The following MALRD1 variants were observed in gnomAD, a reference collection of about 807,000 sequenced individuals.
The protein encoded by MALRD1 is MAM and LDL receptor class A domain containing 1.
A neutral mutation model predicts 242.1 loss-of-function variants in MALRD1; 247 were observed. That is an observed-to-expected ratio of 1.02 (90% CI 0.92 to 1.13). The LOEUF is 1.13. Among genes scored for constraint, MALRD1 ranks in the 50% most tolerant of loss-of-function variants. The pLI is 0.00. For synonymous variants in MALRD1, 995 were observed against 866.6 expected (o/e 1.15, Z -2.60); for missense variants, 2,989 against 2,533.1 (o/e 1.18, Z -3.86).
intron 28 of MALRD1, among the ~76,000 whole-genome samples, chr10:19,444,343 C>A (rs896984511): frequency 1.3e-5 from 2 of 152,120 alleles, no homozygotes; most frequent in African/African-American, 2.4e-5. Context: ...GAATTTGATC[C>A]TGTCATTATG....
chr10:19,158,065 A>G (rs890360212), intron 12 of MALRD1, among the ~76,000 whole-genome samples: 7 of 152,244 alleles, frequency 4.6e-5, no homozygotes, highest in African/African-American at 1.7e-4. Context: ...AAGATAGGAC[A>G]AACAGAACAC....
At chr10:19,620,089 A>T (rs573400079) in intron 36 of MALRD1, among the ~76,000 whole-genome samples, 4 of 152,064 alleles carry the variant, frequency 2.6e-5, no homozygotes, top group African/African-American at 9.6e-5. Flanking sequence ...AAAGACCTTA[A>T]AGTATGAAAT....
At chr10:19,611,756 G>A (rs1360961513) in intron 35 of MALRD1, among the ~76,000 whole-genome samples, 2 of 151,962 alleles carry the variant, frequency 1.3e-5, no homozygotes, top group Non-Finnish European at 2.9e-5. Context: ...GTAAATCAAA[G>A]CTGAAAATAC....
intron 36 of MALRD1, among the ~76,000 whole-genome samples, chr10:19,666,677 A>G (rs1841696559): frequency 1.3e-5 from 2 of 152,154 alleles, no homozygotes; most frequent in African/African-American, 4.8e-5. Flanking sequence ...CCAACTACCT[A>G]TCTTTTCTAT....
chr10:19,696,956 AT>A (rs751828371), intron 38 of MALRD1, among the ~76,000 whole-genome samples: 3 of 152,074 alleles, frequency 2.0e-5, no homozygotes, highest in Non-Finnish European at 4.4e-5. Context: ...TTCTTTAATT[AT>A]TTTTTATGAG....
chr10:19,238,350 AATATATAATACATAAT>A lies in MALRD1; in HGVS notation c.2992-19327_2992-19312del, dbSNP rs1260693856. On this transcript the variant is annotated intron_variant, in intron 18 of 39. Coordinates refer to ENST00000454679, the MANE Select transcript of MALRD1 (RefSeq NM_001142308.3). ...ATATTATACATAATATATTATACAT[AATATATAATACATAAT>A]ATATATTATACATAATATATTATAT... 3.0e-3 allele frequency among the ~76,000 whole-genome samples: 241 copies of A among 80,592 alleles called. 8 individuals are homozygous for A. The highest frequency in any genetic ancestry group is 8.8e-3 in the South Asian group (24 of 2,712). 52.9% of individuals were successfully genotyped at this position (80,592 alleles called of 152,430 possible). A position where few individuals can be genotyped will look rare whatever the true frequency, so the allele number is the denominator to read the frequency against.
At chr10:19,653,954 C>A (rs1841011802) in intron 36 of MALRD1, among the ~76,000 whole-genome samples, 2 of 152,126 alleles carry the variant, frequency 1.3e-5, no homozygotes, top group African/African-American at 4.8e-5. Flanking sequence ...AATCCAAGTG[C>A]CACTAATCAC....
Position 19,237,736 on chromosome 10 carries a change from AT to A in MALRD1, c.2992-19947del, listed in dbSNP as rs1838423779. On this transcript the variant is annotated intron_variant, in intron 18 of 39. Coordinates refer to ENST00000454679, the MANE Select transcript of MALRD1 (RefSeq NM_001142308.3). Reference sequence around the variant, plus strand: ...TATTTATATATAAATATATAATTATATATAATTTATATATAAAACCATAATT... The same window carrying A: ...TATTTATATATAAATATATAATTATAATAATTTATATATAAAACCATAATT... Among the ~76,000 whole-genome samples, 3 of 109,834 alleles carry A rather than the reference AT, an allele frequency of 2.7e-5. No homozygotes were observed. The South Asian group carries it at 7.9e-4, about 29-fold the overall frequency. The allele number at this position is 109,834 out of a possible 152,430, so 72.1% of individuals were successfully genotyped here.
chr10:19,261,038 C>T (rs1839725224), intron 19 of MALRD1, among the ~76,000 whole-genome samples: 1 of 152,052 alleles, frequency 6.6e-6, no homozygotes, highest in Non-Finnish European at 1.5e-5. Context: ...ACATTGCCCC[C>T]AAATCTGAGA....
At chr10:19,238,569 TAC>T (rs1429824643) in intron 18 of MALRD1, among the ~76,000 whole-genome samples, 13 of 84,086 alleles carry the variant, frequency 1.5e-4, no homozygotes, top group Non-Finnish European at 2.4e-4. Context: ...ATATATAATA[TAC>T]ATAATGTATA....
chr10:19,726,210 A>C (rs1161448741), intron 38 of MALRD1, among the ~76,000 whole-genome samples: 1 of 152,222 alleles, frequency 6.6e-6, no homozygotes, highest in East Asian at 1.9e-4. Context: ...TATCTGATAA[A>C]AGTTTAATAT....
chr10:19,304,367 CATCT>C lies in MALRD1; in HGVS notation c.3420-19575_3420-19572del, dbSNP rs1040223086. Among the ~76,000 whole-genome samples, 8 of 151,582 alleles carry C rather than the reference CATCT, an allele frequency of 5.3e-5. No individual in the cohort carries two copies. In the East Asian group the frequency reaches 7.8e-4, roughly 15 times the overall value. On this transcript the variant is annotated intron_variant, in intron 21 of 39. Transcript: ENST00000454679. Reference sequence around the variant, plus strand: ...TCTCTCTCTCTCTGCCTCTCTGTATCATCTATCTATTAGTCATCATCATCATCTA... The same window carrying C: ...TCTCTCTCTCTCTGCCTCTCTGTATCATCTATTAGTCATCATCATCATCTA...
intron 27 of MALRD1, 199 bp from the exon 28 acceptor site, chr10:19,389,253 A>G (rs895860650): frequency 5.8e-6 from 4 of 691,294 alleles, no homozygotes; most frequent in African/African-American, 5.3e-5. Flanking sequence ...AGCACGTGCT[A>G]AAAGCACAGA....
chr10:19,362,815 G>T (rs992453680), intron 26 of MALRD1, among the ~76,000 whole-genome samples: 2 of 152,118 alleles, frequency 1.3e-5, no homozygotes, highest in African/African-American at 4.8e-5. Context: ...GACTACTTAG[G>T]AGGACGTTGA....
chr10:19,444,753 A>G (rs941259822), intron 28 of MALRD1, among the ~76,000 whole-genome samples: 10 of 151,940 alleles, frequency 6.6e-5, no homozygotes, highest in Admixed American at 6.6e-4. Context: ...TTTTTCCTTC[A>G]TTTCAACTTT....
intron 29 of MALRD1, among the ~76,000 whole-genome samples, chr10:19,459,677 G>C (rs11010059): frequency 6.6e-6 from 1 of 151,924 alleles, no homozygotes; most frequent in East Asian, 1.9e-4. Context: ...CATTTGTTAC[G>C]TACCTTGAAA....
chr10:19,530,467 A>T (rs1589204836), intron 31 of MALRD1, among the ~76,000 whole-genome samples: 1 of 129,034 alleles, frequency 7.7e-6, no homozygotes, highest in South Asian at 2.4e-4. Context: ...ATAATAATAA[A>T]TAATTATATA....
At chr10:19,585,596 C>G (rs932887499) in intron 33 of MALRD1, among the ~76,000 whole-genome samples, 22 of 152,124 alleles carry the variant, frequency 1.4e-4, no homozygotes, top group Admixed American at 1.4e-3. Flanking sequence ...GAGAGATCTG[C>G]TGTTATTCTG....
At chr10:19,496,663 T>C (rs1837734106) in intron 30 of MALRD1, among the ~76,000 whole-genome samples, 1 of 152,124 alleles carries the variant, frequency 6.6e-6, no homozygotes, top group Non-Finnish European at 1.5e-5. Context: ...CAGTTATTGA[T>C]TGGTGGGACA....
Sources: gnomAD v4.1 joint callset for allele counts (sites outside exome capture counted in the v4.1 genomes callset) on GRCh38, gnomAD v4.1.1 for gene constraint, MANE v1.5 for transcripts, NCBI Gene and HGNC (gene_info 2026-07-23, HGNC 2026-07-21) for gene names.